EPB41L4B: variants seen among roughly 807,000 people sequenced by gnomAD.
EPB41L4B encodes erythrocyte membrane protein band 4.1 like 4B, also known as band 4.1-like protein 4B.
Under a neutral mutation model 112.5 loss-of-function variants are expected in EPB41L4B, and 30 were observed. The observed-to-expected ratio is 0.27, with a 90% confidence interval of 0.20 to 0.36. EPB41L4B has a LOEUF of 0.36. Ranked by LOEUF, EPB41L4B falls within the 10% of genes least tolerant of loss-of-function variation. EPB41L4B has a pLI of 1.00. For missense variants in EPB41L4B, 1,024 were observed against 1,133.3 expected (o/e 0.90, Z 1.38); for synonymous variants, 408 against 439.7 (o/e 0.93, Z 0.90).
At chr9:109,232,155 C>G (rs978794916) in intron 15 of EPB41L4B, among the ~76,000 whole-genome samples, 1 of 152,068 alleles carries the variant, frequency 6.6e-6, no homozygotes, top group Non-Finnish European at 1.5e-5. Flanking sequence ...CCACACCTGG[C>G]TAATTTTTGT....
At chr9:109,228,921 T>C (rs1833867589) in intron 15 of EPB41L4B, among the ~76,000 whole-genome samples, 1 of 152,246 alleles carries the variant, frequency 6.6e-6, no homozygotes, top group Non-Finnish European at 1.5e-5. Flanking sequence ...ACAGCCCATG[T>C]AAAAAATATT....
At chr9:109,176,902 C>T (rs182031443) in intron 24 of EPB41L4B, among the ~76,000 whole-genome samples, 3 of 152,242 alleles carry the variant, frequency 2.0e-5, no homozygotes, top group Middle Eastern at 3.4e-3. Flanking sequence ...TTTAAGGTAG[C>T]GATTATATTT....
At chr9:109,319,597 T>C (rs576998264) in intron 1 of EPB41L4B, among the ~76,000 whole-genome samples, 3 of 152,174 alleles carry the variant, frequency 2.0e-5, no homozygotes, top group African/African-American at 7.2e-5. Flanking sequence ...GCAGAAATGG[T>C]CTAACCCCCG....
intron 20 of EPB41L4B, among the ~76,000 whole-genome samples, chr9:109,199,716 G>C (rs1832758997): frequency 1.3e-5 from 2 of 152,160 alleles, no homozygotes; most frequent in African/African-American, 4.8e-5. Flanking sequence ...GGTTACAAAA[G>C]ACTGTGCCTT....
chr9:109,276,273 A>G (rs558415024), intron 2 of EPB41L4B, among the ~76,000 whole-genome samples: 1 of 151,266 alleles, frequency 6.6e-6, no homozygotes, highest in Non-Finnish European at 1.5e-5. Flanking sequence ...AGTAGAAAAA[A>G]CACTTTGAGA....
intron 15 of EPB41L4B, among the ~76,000 whole-genome samples, chr9:109,229,701 T>C (rs2012370): frequency 0.47 from 71,451 of 151,982 alleles, 17,068 homozygotes; most frequent in Admixed American, 0.56. Context: ...AATTAACACA[T>C]TGGGGATAAG....
At chr9:109,216,502 G>A (rs1041743836) in intron 16 of EPB41L4B, among the ~76,000 whole-genome samples, 3 of 152,012 alleles carry the variant, frequency 2.0e-5, no homozygotes, top group Non-Finnish European at 4.4e-5. Context: ...TTAGTTGGGT[G>A]TGGTGGCACA....
At chr9:109,273,399 A>C (rs192058450) in intron 2 of EPB41L4B, among the ~76,000 whole-genome samples, 3 of 152,118 alleles carry the variant, frequency 2.0e-5, no homozygotes, top group Non-Finnish European at 4.4e-5. Context: ...GGCATGTGCC[A>C]CCACGCCTGG....
At chr9:109,281,873 A>G (rs569117814) in intron 1 of EPB41L4B, among the ~76,000 whole-genome samples, 2 of 152,332 alleles carry the variant, frequency 1.3e-5, no homozygotes, top group South Asian at 2.1e-4. Flanking sequence ...TAGTTACCAC[A>G]TGACCCAACA....
chr9:109,208,815 C>T (rs1162292548), intron 17 of EPB41L4B, among the ~76,000 whole-genome samples: 3 of 152,164 alleles, frequency 2.0e-5, no homozygotes, highest in Non-Finnish European at 4.4e-5. Context: ...GGTATACACA[C>T]TACATTTTGG....
At chr9:109,240,091 A>G in intron 15 of EPB41L4B, 36 of 985,456 alleles carry the variant, frequency 3.7e-5, no homozygotes, top group Non-Finnish European at 4.3e-5. Flanking sequence ...TACCAAGGTC[A>G]TTCACAAATG....
At chr9:109,215,274 T>C (rs561698572) in intron 16 of EPB41L4B, among the ~76,000 whole-genome samples, 2 of 151,922 alleles carry the variant, frequency 1.3e-5, no homozygotes, top group African/African-American at 2.4e-5. Context: ...TTCAGTACTT[T>C]TCTTTTCTTT....
intron 16 of EPB41L4B, 110 bp from the exon 17 acceptor site, chr9:109,213,928 T>C: frequency 1.1e-6 from 1 of 892,440 alleles, no homozygotes; most frequent in South Asian, 1.5e-5. Flanking sequence ...TCTGCCGGCC[T>C]CCTCCTCCAG....
intron 6 of EPB41L4B, among the ~76,000 whole-genome samples, 197 bp from the exon 7 acceptor site, chr9:109,258,494 T>A (rs1029232824): frequency 6.6e-6 from 1 of 152,310 alleles, no homozygotes; most frequent in South Asian, 2.1e-4. Context: ...CATTCTAATG[T>A]CCTCCCTGTT....
intron 25 of EPB41L4B, among the ~76,000 whole-genome samples, chr9:109,175,468 A>AACACAC (rs59210551): frequency 0.21 from 27,605 of 129,064 alleles, 3,236 homozygotes; most frequent in Non-Finnish European, 0.25. Flanking sequence ...CCACTGTTTA[A>AACACAC]ACACACACAC....
chr9:109,203,361 G>A (rs1832896180), intron 19 of EPB41L4B, among the ~76,000 whole-genome samples: 1 of 152,102 alleles, frequency 6.6e-6, no homozygotes, highest in Non-Finnish European at 1.5e-5. Context: ...TGTAAACAGA[G>A]CCTTTAAAGG....
At chr9:109,302,622 C>G (rs911994991) in intron 1 of EPB41L4B, among the ~76,000 whole-genome samples, 1 of 152,014 alleles carries the variant, frequency 6.6e-6, no homozygotes, top group African/African-American at 2.4e-5. Flanking sequence ...TGTCAGGATA[C>G]TGAGGTATCC....
At chr9:109,205,033 A>T (rs1304341522) in intron 18 of EPB41L4B, among the ~76,000 whole-genome samples, 1 of 152,200 alleles carries the variant, frequency 6.6e-6, no homozygotes, top group African/African-American at 2.4e-5. Flanking sequence ...TCTACAGATA[A>T]CAGTAGGAGC....
chr9:109,289,313 C>T (rs1163928039), intron 1 of EPB41L4B, among the ~76,000 whole-genome samples: 1 of 152,238 alleles, frequency 6.6e-6, no homozygotes, highest in African/African-American at 2.4e-5. Context: ...TCAGGCTTGG[C>T]TCGTGTCCTT....
Sources: gnomAD v4.1 joint callset for allele counts (sites outside exome capture counted in the v4.1 genomes callset) on GRCh38, gnomAD v4.1.1 for gene constraint, MANE v1.5 for transcripts, NCBI Gene and HGNC (gene_info 2026-07-23, HGNC 2026-07-21) for gene names.